The following SLC7A5 variants were observed in gnomAD, a reference collection of about 807,000 sequenced individuals.
SLC7A5 encodes solute carrier family 7 member 5.
In SLC7A5, 23 loss-of-function variants were observed where a neutral mutation model predicts 50.2. The observed-to-expected ratio is 0.46, with a 90% CI of 0.33 to 0.65. SLC7A5 has a LOEUF of 0.65. Ranked by LOEUF, SLC7A5 falls within the 30% of genes least tolerant of loss-of-function variation. SLC7A5 has a pLI of 0.02. For missense variants in SLC7A5, 578 were observed against 684.4 expected, an observed-to-expected ratio of 0.84 and a Z score of 1.73; for synonymous variants, 393 against 330.6, an observed-to-expected ratio of 1.19 and a Z score of -2.05.
At position 87,851,862 on chromosome 16, in the gene SLC7A5, A is replaced by C; in HGVS notation, c.539-13T>G. 17 of 1,612,680 alleles carry C rather than the reference A, an allele frequency of 1.1e-5. No individual in the cohort carries two copies. The highest frequency in any genetic ancestry group is 1.4e-5 in the Non-Finnish European group (17 of 1,179,942). Reference sequence around the variant, plus strand: ...GCCGTGAGCAGCACTGTGGAGACAGAGGGCAGCGGTGAGTTCCACGGGCAG... The same window carrying C: ...GCCGTGAGCAGCACTGTGGAGACAGCGGGCAGCGGTGAGTTCCACGGGCAG... On this transcript the variant is annotated splice_polypyrimidine_tract_variant and intron_variant, in intron 1 of 9. Coordinates refer to ENST00000261622, the MANE Select transcript of SLC7A5 (RefSeq NM_003486.7).
rs1318533275 is a variant in SLC7A5 at position 87,860,989 on chromosome 16, C to A, written c.538+7896G>T. ...TCCAGAGGGAGAATTCAGGATTCGG[C>A]CAGTATCAGGGAAGGAGACGCTGTG... On this transcript the variant is annotated intron_variant, in intron 1 of 9. Coordinates refer to ENST00000261622, the MANE Select transcript of SLC7A5 (RefSeq NM_003486.7). The surrounding 1 kb of genome is among the most constrained non-coding windows in gnomAD (Gnocchi z 4.8). 6.6e-6 allele frequency among the ~76,000 whole-genome samples: 1 copy of A among 152,216 alleles called. No individual in the cohort carries two copies. The highest frequency in any genetic ancestry group is 1.9e-4 in the East Asian group (1 of 5,194).
Position 87,836,606 on chromosome 16 carries a change from G to A in SLC7A5, c.1182C>T (p.Phe394=). The change falls in exon 8 of 10, where the codon TTC becomes TTT. Residue 394 remains phenylalanine (F), a synonymous_variant. Transcript: ENST00000261622. ...AGAAGCTGAAGAAGTTGATGACGGA[G>A]AAGATGTCCTTGGAGAAGGCGTAGA... ...TLLYAFSKDI[F]SVINFFSFFN... 1.2e-6 allele frequency: 2 copies of A among 1,613,620 alleles called. No homozygotes were observed. Among genetic ancestry groups the A allele is most frequent in the Non-Finnish European group, 1.7e-6 (2 of 1,180,032 alleles).
intron 1 of SLC7A5, among the ~76,000 whole-genome samples, chr16:87,867,325 CA>C (rs1403271807): frequency 6.6e-6 from 1 of 152,204 alleles, no homozygotes; most frequent in African/African-American, 2.4e-5. Flanking sequence ...GAGACTGAAC[CA>C]GTGAAATTCT....
At chr16:87,840,533 G>T in intron 3 of SLC7A5, 60 bp from the exon 4 acceptor site, 1 of 1,410,430 alleles carries the variant, frequency 7.1e-7, no homozygotes, top group Non-Finnish European at 1.0e-6. Context: ...ATAAATCACC[G>T]GGGAGAGAGC....
chr16:87,867,259 C>T (rs1193793674), intron 1 of SLC7A5, among the ~76,000 whole-genome samples: 2 of 152,314 alleles, frequency 1.3e-5, no homozygotes, highest in African/African-American at 4.8e-5. Flanking sequence ...GTGCAGGCTG[C>T]GTAAGCTACT....
rs2055500087 is a variant in SLC7A5 at position 87,869,149 on chromosome 16, A to C, written c.274T>G (p.Cys92Gly). The C allele has an allele frequency of 5.0e-6, 8 of 1,611,658 alleles. No individual in the cohort carries two copies. The highest frequency in any genetic ancestry group is 1.3e-5 in the African/African-American group (1 of 74,868). Residue 92 changes from cysteine to glycine, a missense_variant, in exon 1 of 10, where the codon TGC (cysteine) becomes GGC (glycine). Coordinates refer to ENST00000261622, the MANE Select transcript of SLC7A5 (RefSeq NM_003486.7). ...GCGCCCACGATGGAGAAGACGCCGCACGCGGCCCACACCACCAGCGCCAGC... is the reference window on the plus strand; with the variant it reads ...GCGCCCACGATGGAGAAGACGCCGCCCGCGGCCCACACCACCAGCGCCAGC... ...PGLALVVWAACGVFSIVGALC... is the reference protein window; with the variant it reads ...PGLALVVWAAGGVFSIVGALC...
In SLC7A5 at chr16:87,839,892, G is replaced by A; in HGVS notation, c.816-67C>T. The A allele has an allele frequency of 1.9e-6, 3 of 1,606,962 alleles. No individual in the cohort carries two copies. In the South Asian group the frequency reaches 3.3e-5, roughly 18 times the overall value. On this transcript the variant is annotated intron_variant, in intron 4 of 9. Transcript: ENST00000261622. ...GCTGAAGGCCAAACCCTGTGCCCAG[G>A]AGCCAGGTGGGCTCCTCGCAAGCAG...
At position 87,830,428 on chromosome 16, in the gene SLC7A5, G is replaced by A. The variant is rs1450847546; in HGVS notation, c.*2542C>T. 1 of 152,306 alleles carries A rather than the reference G, an allele frequency of 6.6e-6. No homozygotes were observed. The highest frequency in any genetic ancestry group is 1.5e-5 in the Non-Finnish European group (1 of 68,054). The allele number at this position is 152,306 out of a possible 1,614,324, so 9.4% of individuals were successfully genotyped here. On this transcript the variant is annotated 3_prime_UTR_variant, in exon 10 of 10. Transcript: ENST00000261622. ...AAGCCCACAAGTGGAAACCGCTGGG[G>A]ACGTTTGTCAGTGGAGTGTGGAGAA... is the stretch of plus-strand genomic sequence containing the variant.
chr16:87,856,954 T>A (rs1414983704), intron 1 of SLC7A5, among the ~76,000 whole-genome samples: 1 of 152,198 alleles, frequency 6.6e-6, no homozygotes, highest in African/African-American at 2.4e-5. Context: ...GCTGCCGGCC[T>A]GGGGAGCGCC....
chr16:87,848,995 G>A (rs1000839715), intron 2 of SLC7A5, among the ~76,000 whole-genome samples: 10 of 152,262 alleles, frequency 6.6e-5, no homozygotes, highest in Non-Finnish European at 1.3e-4. Flanking sequence ...GGGCAGCAAG[G>A]AGGAGCCTTT....
chr16:87,846,060 TC>T lies in SLC7A5; in HGVS notation c.665-4906del, dbSNP rs1261989304. On this transcript the variant is annotated intron_variant, in intron 2 of 9. Transcript: ENST00000261622. ...CAAGCATCCTTTATCAACTGCGAGG[TC>T]TTCGAGGCCCAAAAGAGGTGCCCTG... Among the ~76,000 whole-genome samples the T allele has an allele frequency of 1.2e-4, 18 of 152,128 alleles. No individual in the cohort carries two copies. The East Asian group carries it at 2.7e-3, about 23-fold the overall frequency.
rs1410676089 is a variant in SLC7A5, at chr16:87,843,400, AC to A, written c.665-2246del. ...TTTTTTTTTTTTGAGACAGAGTTCC[AC>A]CACGCTTGGCTAATTTTTGTATTTT... On this transcript the variant is annotated intron_variant, in intron 2 of 9. Coordinates refer to ENST00000261622, the MANE Select transcript of SLC7A5 (RefSeq NM_003486.7). 6.7e-5 allele frequency among the ~76,000 whole-genome samples: 6 copies of A among 89,650 alleles called. No homozygotes were observed. The East Asian group carries it at 2.4e-3, about 36-fold the overall frequency. The allele number at this position is 89,650 out of a possible 152,430, so 58.8% of individuals were successfully genotyped here.
intron 2 of SLC7A5, among the ~76,000 whole-genome samples, chr16:87,842,393 G>A (rs531737294): frequency 5.9e-5 from 9 of 152,346 alleles, no homozygotes; most frequent in Admixed American, 3.3e-4. Context: ...AGGGAACACC[G>A]CAGAGTGACG....
In SLC7A5 at chr16:87,862,660, G is replaced by A. The variant is rs370652363; in HGVS notation, c.538+6225C>T. On this transcript the variant is annotated intron_variant, in intron 1 of 9. Coordinates refer to ENST00000261622, the MANE Select transcript of SLC7A5 (RefSeq NM_003486.7). The surrounding 1 kb of genome is among the most constrained non-coding windows in gnomAD (Gnocchi z 5.3). The stretch of plus-strand genomic sequence containing the variant: ...CACAGTGAGCAGGAGATACAGGCAC[G>A]TGGAGGGACGGTCACAGCCCGTGCA... 3.9e-5 allele frequency among the ~76,000 whole-genome samples: 6 copies of A among 152,356 alleles called. No individual in the cohort carries two copies. The East Asian group carries it at 9.6e-4, about 24-fold the overall frequency.
Position 87,841,244 on chromosome 16 carries a change from C to A in SLC7A5, c.665-89G>T. 2.3e-6 allele frequency: 2 copies of A among 858,118 alleles called. No homozygotes were observed. The highest frequency in any genetic ancestry group is 1.7e-5 in the African/African-American group (1 of 60,490). 53.2% of individuals were successfully genotyped at this position (858,118 alleles called of 1,614,324 possible). A position where few individuals can be genotyped will look rare whatever the true frequency, so the allele number is the denominator to read the frequency against. On this transcript the variant is annotated intron_variant, in intron 2 of 9. Transcript: ENST00000261622. The surrounding 1 kb of genome is among the most constrained non-coding windows in gnomAD (Gnocchi z 4.8). ...TCTAGAATGTTCCTGGAGCAAAATA[C>A]ATAGCAAACAAAAATGCTGGAGTGA...
Position 87,832,916 on chromosome 16 carries a change from TCTACTTTAACTGGCCTCTGCGCATGCTC to T in SLC7A5, c.*26_*53del, listed in dbSNP as rs1228602711. ...AACCGGAGTGGGTTCGAGGAGGTGA[TCTACTTTAACTGGCCTCTGCGCATGCTC>T]CTCCGGCAGCCACTCGGCCTCCTGG... On this transcript the variant is annotated 3_prime_UTR_variant, in exon 10 of 10. Transcript: ENST00000261622. This position sits in a 1 kb window ranked among gnomAD's most constrained non-coding sequence, Gnocchi z 4.6. The T allele has an allele frequency of 7.6e-5, 110 of 1,452,418 alleles. No individual in the cohort carries two copies. Among genetic ancestry groups the T allele is most frequent in the Middle Eastern group, 5.2e-4 (3 of 5,776 alleles). 90.0% of individuals were successfully genotyped at this position (1,452,418 alleles called of 1,614,324 possible).
chr16:87,869,260 C>G lies in SLC7A5; in HGVS notation c.163G>C (p.Gly55Arg). ...ATGGTCCCCACGATGATGGCCACGC[C>G]GTTGAGCAGCGTGATGTTCCGCTGC... ...TLQRNITLLN[G>R]VAIIVGTIIG... Residue 55 changes from glycine (G) to arginine (R), a missense_variant, in exon 1 of 10, where the codon GGC becomes CGC. Transcript: ENST00000261622. 6.2e-7 allele frequency: 1 copy of G among 1,612,514 alleles called. No individual in the cohort carries two copies. Among genetic ancestry groups the G allele is most frequent in the Non-Finnish European group, 8.5e-7 (1 of 1,179,856 alleles).
chr16:87,848,825 G>A (rs1021567210), intron 2 of SLC7A5, among the ~76,000 whole-genome samples: 5 of 152,218 alleles, frequency 3.3e-5, no homozygotes, highest in East Asian at 3.9e-4. Context: ...ATTGGGACCC[G>A]GCATAGATGC....
rs1464040314 is a variant in SLC7A5, at chr16:87,869,081, G to C, written c.342C>G (p.Gly114=). The change falls in exon 1 of 10, where the codon GGC becomes GGG. Residue 114 remains glycine, a synonymous_variant. Coordinates refer to ENST00000261622, the MANE Select transcript of SLC7A5 (RefSeq NM_003486.7). ...CCTCCAGCATGTAGGCGTAGTCGCC[G>C]CCCGATTTGGAGATGGTGGTGCCGA... ...AELGTTISKS[G]GDYAYMLEVY... The C allele has an allele frequency of 1.2e-6, 2 of 1,611,834 alleles. No homozygotes were observed. Among genetic ancestry groups the C allele is most frequent in the Admixed American group, 3.3e-5 (2 of 60,016 alleles).
Sources: gnomAD v4.1 joint callset for allele counts (sites outside exome capture counted in the v4.1 genomes callset) on GRCh38, gnomAD v4.1.1 for gene constraint, Gnocchi (gnomAD v3.1) non-coding constraint, MANE v1.5 for transcripts, NCBI Gene and HGNC (gene_info 2026-07-23, HGNC 2026-07-21) for gene names.